Variants in DERA observed in about 807,000 individuals in gnomAD.
DERA encodes 2-deoxy-D-ribose 5-phosphate aldolase.
DERA carries 15 observed loss-of-function variants against 41.1 expected under a neutral mutation model. The ratio of observed to expected loss-of-function variants is 0.37; its 90% confidence interval spans 0.24 to 0.56. DERA has a LOEUF of 0.56. Ranked by LOEUF, DERA falls within the 20% of genes least tolerant of loss-of-function variation. DERA has a pLI of 0.81. For missense variants in DERA, 396 were observed against 403.4 expected (o/e 0.98, Z 0.16); for synonymous variants, 139 against 137.4 (o/e 1.01, Z -0.08).
chr12:15,959,771 G>A lies in DERA; in HGVS notation c.278-58G>A. 2 of 1,178,920 alleles carry A rather than the reference G, an allele frequency of 1.7e-6. No individual in the cohort carries two copies. The highest frequency in any genetic ancestry group is 2.2e-5 in the Admixed American group (1 of 45,798). 73.0% of individuals were successfully genotyped at this position (1,178,920 alleles called of 1,614,324 possible). A position where few individuals can be genotyped will look rare whatever the true frequency, so the allele number is the denominator to read the frequency against. On this transcript the variant is annotated intron_variant, in intron 3 of 8. Coordinates refer to ENST00000428559, the MANE Select transcript of DERA (RefSeq NM_015954.4). This position sits in a 1 kb window ranked among gnomAD's most constrained non-coding sequence, Gnocchi z 4.5. ...GTTGCGATATAAATAATAATTAAAA[G>A]CATGTTGTATGAGTTGAACTTCATT...
intron 6 of DERA, among the ~76,000 whole-genome samples, chr12:15,986,680 T>C (rs573886025): frequency 6.6e-6 from 1 of 151,780 alleles, no homozygotes; most frequent in African/African-American, 2.4e-5. Context: ...ACTACAATGA[T>C]ACGAATTTTT....
At chr12:15,927,328 G>A (rs372619508) in intron 1 of DERA, among the ~76,000 whole-genome samples, 1 of 152,058 alleles carries the variant, frequency 6.6e-6, no homozygotes, top group East Asian at 1.9e-4. Context: ...TGTTTATTTG[G>A]TAAGTCTCAT....
intron 6 of DERA, among the ~76,000 whole-genome samples, chr12:15,991,745 C>T (rs979782360): frequency 5.3e-5 from 8 of 152,084 alleles, no homozygotes; most frequent in African/African-American, 9.7e-5. Flanking sequence ...CACAGCAACC[C>T]TATGAAGTAG....
rs1948357525 is a variant in DERA at position 15,935,397 on chromosome 12, G to C, written c.32-21539G>C. Among the ~76,000 whole-genome samples the C allele has an allele frequency of 6.6e-6, 1 of 152,120 alleles. No homozygotes were observed. Among genetic ancestry groups the C allele is most frequent in the Non-Finnish European group, 1.5e-5 (1 of 68,030 alleles). On this transcript the variant is annotated intron_variant, in intron 1 of 8. Transcript: ENST00000428559. The surrounding 1 kb of genome is among the most constrained non-coding windows in gnomAD (Gnocchi z 4.8). The stretch of plus-strand genomic sequence containing the variant: ...ACCTACTTGGGAGGCTGAGCTGGGA[G>C]GATTGCTTGAACCCGGGAGGTGGAA...
chr12:16,028,060 T>C (rs1427368947), intron 6 of DERA, among the ~76,000 whole-genome samples: 1 of 152,226 alleles, frequency 6.6e-6, no homozygotes, highest in African/African-American at 2.4e-5. Flanking sequence ...CTCAGTCAGC[T>C]AGGAGAGCTA....
At chr12:16,024,841 TAAC>T (rs1020673189) in intron 6 of DERA, among the ~76,000 whole-genome samples, 1 of 152,134 alleles carries the variant, frequency 6.6e-6, no homozygotes, top group African/African-American at 2.4e-5. Context: ...ATTTAAAAGA[TAAC>T]AATTTAAAGT....
intron 5 of DERA, among the ~76,000 whole-genome samples, chr12:15,977,302 C>A (rs1948703945): frequency 1.3e-5 from 2 of 152,070 alleles, no homozygotes; most frequent in Non-Finnish European, 2.9e-5. Flanking sequence ...TGTACACGTG[C>A]ATGCATGTGT....
At chr12:15,986,807 C>A (rs1009526204) in intron 6 of DERA, among the ~76,000 whole-genome samples, 6 of 152,242 alleles carry the variant, frequency 3.9e-5, no homozygotes, top group Admixed American at 3.3e-4. Context: ...ATATGAGTTT[C>A]CATCTTGTAT....
intron 1 of DERA, among the ~76,000 whole-genome samples, chr12:15,930,463 T>C (rs1565586458): frequency 2.6e-5 from 4 of 152,182 alleles, no homozygotes; most frequent in Admixed American, 2.6e-4. Flanking sequence ...TCTTTAAAAT[T>C]AATCAATAGC....
rs1204292808 is a variant in DERA, at chr12:15,924,882, G to A, written c.31+13468G>A. 6.6e-6 allele frequency among the ~76,000 whole-genome samples: 1 copy of A among 152,132 alleles called. No individual in the cohort carries two copies. The stretch of plus-strand genomic sequence containing the variant: ...CCTTGTGTTTTTATGTTCTAATGCT[G>A]CCTTATTAATAGGCTGCTTGAGGGT... On this transcript the variant is annotated intron_variant, in intron 1 of 8. Transcript: ENST00000428559. This position sits in a 1 kb window ranked among gnomAD's most constrained non-coding sequence, Gnocchi z 5.0.
intron 4 of DERA, among the ~76,000 whole-genome samples, chr12:15,960,746 G>GA (rs1948581428): frequency 6.6e-6 from 1 of 151,102 alleles, no homozygotes; most frequent in Admixed American, 6.6e-5. Flanking sequence ...CAAAGTAAGA[G>GA]AAAGCATCGT....
At chr12:15,951,431 G>A (rs1425305186) in intron 1 of DERA, 5 of 152,208 alleles carry the variant, frequency 3.3e-5, no homozygotes, top group African/African-American at 1.2e-4. Context: ...TGATCACGAA[G>A]GGTTTAGAGC....
chr12:15,979,997 T>G (rs1178278206), intron 5 of DERA, among the ~76,000 whole-genome samples: 4 of 152,252 alleles, frequency 2.6e-5, no homozygotes, highest in Non-Finnish European at 5.9e-5. Context: ...TTTCCAGCCT[T>G]GTCTGATGGC....
At chr12:15,960,636 CAAAAAAAAAAAAA>C (rs1163104277) in intron 4 of DERA, among the ~76,000 whole-genome samples, 2 of 28,718 alleles carry the variant, frequency 7.0e-5, no homozygotes, top group Non-Finnish European at 1.3e-4. Flanking sequence ...GACTCCGTCT[CAAAAAAAAAAAAA>C]AAAAAAAAAA....
intron 1 of DERA, among the ~76,000 whole-genome samples, chr12:15,912,611 TAGGATACATGTAA>T (rs755308779): frequency 4.0e-4 from 61 of 152,314 alleles, no homozygotes; most frequent in Admixed American, 1.2e-3. Context: ...GGAGATTAAA[TAGGATACATGTAA>T]AGTAGTTTGG....
rs28500544 is a variant in DERA at position 15,936,922 on chromosome 12, T to C, written c.32-20014T>C. Among the ~76,000 whole-genome samples the C allele has an allele frequency of 0.23, 32,735 of 140,848 alleles. 4,060 individuals carry two copies. Among genetic ancestry groups the C allele is most frequent in the Admixed American group, 0.33 (4,851 of 14,570 alleles). The allele number at this position is 140,848 out of a possible 152,430, so 92.4% of individuals were successfully genotyped here. On this transcript the variant is annotated intron_variant, in intron 1 of 8. Transcript: ENST00000428559. The surrounding 1 kb of genome is among the most constrained non-coding windows in gnomAD (Gnocchi z 4.6). ...TGTCCTGTCCTGTCCTGTCCTGTCC[T>C]GTCCTGTCCTGTCTTGTCCTGTCCC... is the stretch of plus-strand genomic sequence containing the variant.
chr12:15,912,261 C>T (rs1441154347), intron 1 of DERA, among the ~76,000 whole-genome samples: 1 of 152,120 alleles, frequency 6.6e-6, no homozygotes, highest in South Asian at 2.1e-4. Flanking sequence ...TAACAAAGCA[C>T]ATCTTGCACC....
In DERA at chr12:15,954,507, C is replaced by T. The variant is rs1948522951; in HGVS notation, c.32-2429C>T. 6.6e-6 allele frequency among the ~76,000 whole-genome samples: 1 copy of T among 152,166 alleles called. No individual in the cohort carries two copies. Among genetic ancestry groups the T allele is most frequent in the Non-Finnish European group, 1.5e-5 (1 of 68,032 alleles). On this transcript the variant is annotated intron_variant, in intron 1 of 8. Coordinates refer to ENST00000428559, the MANE Select transcript of DERA (RefSeq NM_015954.4). This position sits in a 1 kb window ranked among gnomAD's most constrained non-coding sequence, Gnocchi z 4.0. ...GACTCTTAAAGGATGAGCAGCAGTT[C>T]ACTGTTCGCAAAGCAGGGAGGGCAT...
rs1403603465 is a variant in DERA, at chr12:16,020,638, G to A, written c.638-11904G>A. Among the ~76,000 whole-genome samples, 3 of 152,206 alleles carry A rather than the reference G, an allele frequency of 2.0e-5. No homozygotes were observed. The highest frequency in any genetic ancestry group is 7.2e-5 in the African/African-American group (3 of 41,450). ...GTTTGGAGGGCCCAGAAAAAGACAG[G>A]AAGATGAGAGAAAGTTTGAAACTTA... On this transcript the variant is annotated intron_variant, in intron 6 of 8. Coordinates refer to ENST00000428559, the MANE Select transcript of DERA (RefSeq NM_015954.4). The surrounding 1 kb of genome is among the most constrained non-coding windows in gnomAD (Gnocchi z 5.5).
Sources: allele counts gnomAD v4.1 joint callset (sites outside exome capture counted in the v4.1 genomes callset), GRCh38; gene constraint gnomAD v4.1.1; non-coding constraint Gnocchi (gnomAD v3.1); transcripts MANE v1.5; gene names NCBI Gene and HGNC (gene_info 2026-07-23, HGNC 2026-07-21).